The following GDPD5 variants were observed in gnomAD, a reference collection of about 807,000 sequenced individuals.
GDPD5 encodes the protein glycerophosphodiester phosphodiesterase domain containing 5.
In GDPD5, 48 loss-of-function variants were observed where a neutral mutation model predicts 75.1. The ratio of observed to expected loss-of-function variants is 0.64; its 90% CI spans 0.51 to 0.81. The LOEUF (loss-of-function observed/expected upper bound fraction) is 0.81, where lower values mean the gene tolerates loss of function less well. Ranked by LOEUF, GDPD5 falls within the 40% of genes least tolerant of loss-of-function variation. The pLI is 0.00. For missense variants in GDPD5, 706 were observed against 822.6 expected (o/e 0.86, Z 1.73); for synonymous variants, 336 against 339.0 (o/e 0.99, Z 0.10).
chr11:75,485,220 T>C (rs1484367359), intron 2 of GDPD5: 1 of 152,158 alleles, frequency 6.6e-6, no homozygotes, highest in Non-Finnish European at 1.5e-5. Flanking sequence ...TCAAGGAATT[T>C]TGAGGGCAGT....
At chr11:75,507,966 CTTTT>C (rs372045373) in intron 1 of GDPD5, among the ~76,000 whole-genome samples, 1 of 148,006 alleles carries the variant, frequency 6.8e-6, no homozygotes, top group African/African-American at 2.5e-5. Flanking sequence ...CTATCAGTTG[CTTTT>C]TTTTTTTCCA....
rs550987997 is a variant in GDPD5, at chr11:75,459,785, G to C, written c.222-1999C>G. On this transcript the variant is annotated intron_variant, in intron 4 of 16. Transcript: ENST00000336898. ...AGATCATACCACTGCACTCCAGCCTGGGTGACAGAGCGAGACTGTCTCAAA... is the reference window on the plus strand; with the variant it reads ...AGATCATACCACTGCACTCCAGCCTCGGTGACAGAGCGAGACTGTCTCAAA... Among the ~76,000 whole-genome samples, 12 of 150,218 alleles carry C rather than the reference G, an allele frequency of 8.0e-5. No homozygotes were observed. The East Asian group carries it at 2.2e-3, about 27-fold the overall frequency.
At chr11:75,441,606 T>A in intron 13 of GDPD5, 40 bp downstream of exon 13, 1 of 1,514,020 alleles carries the variant, frequency 6.6e-7, no homozygotes. Flanking sequence ...AGAGACTCAG[T>A]CCCACCCTCT....
In GDPD5 at chr11:75,435,628, T is replaced by G; in HGVS notation, c.1697A>C (p.Asp566Ala). 6.2e-7 allele frequency: 1 copy of G among 1,612,954 alleles called. No homozygotes were observed. ...SEISDGVEVS[D>A]VLSVCSDNSY... is the part of the protein sequence containing the mutation. ...GTTGTCTGAACATACGGAGAGCACA[T>G]CGGAGACCTCTACACCATCGCTGAT... is the stretch of plus-strand genomic sequence containing the variant. The change falls in exon 17 of 17, where the codon GAT becomes GCT. Residue 566 changes from aspartate (D) to alanine (A), a missense_variant. By Grantham distance (126) the Asp-to-Ala change is moderately radical (BLOSUM62 -2). Transcript: ENST00000336898.
Position 75,477,649 on chromosome 11 carries a change from G to A in GDPD5, c.87C>T (p.Arg29=), listed in dbSNP as rs1181007865. ...LTGIYGCRWK[R]YQRSHDDTTP... ...TGGTATCATCATGGGAGCGCTGGTA[G>A]CGCTTCCAACGGCAGCCGTAGATGC... The change falls in exon 3 of 17, where the codon CGC becomes CGT. Residue 29 remains arginine, a synonymous_variant. Transcript: ENST00000336898. The A allele has an allele frequency of 3.1e-6, 5 of 1,600,028 alleles. No homozygotes were observed. In the African/African-American group the frequency reaches 6.7e-5, roughly 21 times the overall value.
intron 2 of GDPD5, 173 bp from the exon 3 acceptor site, chr11:75,477,968 C>G: frequency 2.7e-6 from 1 of 369,000 alleles, no homozygotes; most frequent in Non-Finnish European, 4.9e-6. Context: ...AAGGACCTGT[C>G]CTCTGCCTCC....
At chr11:75,524,726 G>A (rs192793430) in intron 1 of GDPD5, among the ~76,000 whole-genome samples, 96 of 152,334 alleles carry the variant, frequency 6.3e-4, no homozygotes, top group African/African-American at 2.2e-3. Flanking sequence ...AGGGAGAGAA[G>A]CTTTGGAACT....
chr11:75,458,487 A>T lies in GDPD5; in HGVS notation c.222-701T>A, dbSNP rs542738751. Among the ~76,000 whole-genome samples, 142 of 152,218 alleles carry T rather than the reference A, an allele frequency of 9.3e-4. 1 individual carries two copies. The highest frequency in any genetic ancestry group is 9.2e-3 in the Admixed American group (140 of 15,280). On this transcript the variant is annotated intron_variant, in intron 4 of 16. Coordinates refer to ENST00000336898, the MANE Select transcript of GDPD5 (RefSeq NM_030792.8). Reference sequence around the variant, plus strand: ...GGAGATCGAGACCATCCTGGCTAACATGGTGAAACCCCATCTCTACTAAAA... The same window carrying T: ...GGAGATCGAGACCATCCTGGCTAACTTGGTGAAACCCCATCTCTACTAAAA...
Position 75,442,561 on chromosome 11 carries a change from G to C in GDPD5, c.969C>G (p.Ala323=). ...TGTGGTCGGAGGGTGACAGGGAGCT[G>C]GCTGTCCAGAAGGGGTCAGTCTGGC... The part of the protein sequence containing the change: ...WFLKTDPFWT[A]SSLSPSDHRE... Residue 323 remains alanine (A), a synonymous_variant, in exon 12 of 17, where the codon GCC becomes GCG. Transcript: ENST00000336898. 1 of 1,614,116 alleles carries C rather than the reference G, an allele frequency of 6.2e-7. No homozygotes were observed. The highest frequency in any genetic ancestry group is 8.5e-7 in the Non-Finnish European group (1 of 1,180,018).
At chr11:75,477,374 C>T (rs1949800907) in intron 3 of GDPD5, among the ~76,000 whole-genome samples, 1 of 152,240 alleles carries the variant, frequency 6.6e-6, no homozygotes, top group South Asian at 2.1e-4. Context: ...TAGAGGAGCC[C>T]AACCTCAACA....
chr11:75,509,931 C>T (rs979278040), intron 1 of GDPD5, among the ~76,000 whole-genome samples: 6 of 152,354 alleles, frequency 3.9e-5, no homozygotes, highest in East Asian at 1.9e-4. Context: ...CTGCCCGCCT[C>T]GGCCTCCCAA....
intron 5 of GDPD5, 41 bp from the exon 6 acceptor site, chr11:75,456,857 G>A (rs1047877634): frequency 6.2e-7 from 1 of 1,600,898 alleles, no homozygotes; most frequent in South Asian, 1.1e-5. Context: ...GCCCGTGTGG[G>A]CGGGAAGGCT....
Position 75,449,057 on chromosome 11 carries a change from T to C in GDPD5, c.634A>G (p.Thr212Ala). 6.2e-7 allele frequency: 1 copy of C among 1,603,984 alleles called. No individual in the cohort carries two copies. The highest frequency in any genetic ancestry group is 8.5e-7 in the Non-Finnish European group (1 of 1,176,600). ...TCCATGATGCAGGGAGAGGAGATGG[T>C]GAGAGGGGCCAGGTAGAGGGCAAAC... is the stretch of plus-strand genomic sequence containing the variant. ...VVFALYLAPL[T>A]ISSPCIMEKK... is the part of the protein sequence containing the mutation. The change falls in exon 9 of 17, where the codon ACC (threonine) becomes GCC (alanine). Residue 212 changes from threonine to alanine, a missense_variant. Physicochemically the swap from Thr to Ala is moderately conservative, Grantham distance 58. Transcript: ENST00000336898.
chr11:75,501,964 A>G (rs189043855), intron 1 of GDPD5, among the ~76,000 whole-genome samples: 15 of 152,232 alleles, frequency 9.9e-5, no homozygotes, highest in Non-Finnish European at 1.3e-4. Context: ...TGTGAGCCCC[A>G]TCAGTCCTGA....
Position 75,457,734 on chromosome 11 carries a change from C to A in GDPD5, c.274G>T (p.Val92Leu). 6.2e-7 allele frequency: 1 copy of A among 1,614,150 alleles called. No homozygotes were observed. The highest frequency in any genetic ancestry group is 1.3e-5 in the African/African-American group (1 of 75,058). The change falls in exon 5 of 17, where the codon GTG (valine) becomes TTG (leucine). Residue 92 changes from valine to leucine, a missense_variant. Transcript: ENST00000336898. ...TATGCGAAGGCAGCAGCTGTGGTCA[C>A]AAGGATGGGTACGGGCCAGTCGCTC... The part of the protein sequence containing the change: ...YWSDWPVPIL[V>L]TTAAAFAYIA...
intron 4 of GDPD5, among the ~76,000 whole-genome samples, chr11:75,460,160 T>A (rs1949380930): frequency 1.3e-5 from 2 of 151,642 alleles, no homozygotes; most frequent in Non-Finnish European, 2.9e-5. Context: ...TCCATTTGTC[T>A]CTCAAGTGTG....
At chr11:75,508,699 C>T (rs563760872) in intron 1 of GDPD5, among the ~76,000 whole-genome samples, 2 of 152,314 alleles carry the variant, frequency 1.3e-5, no homozygotes, top group East Asian at 1.9e-4. Context: ...CACTGTGGCC[C>T]CCATGCCAAT....
chr11:75,520,652 A>G (rs2135515132), intron 1 of GDPD5, among the ~76,000 whole-genome samples: 1 of 152,340 alleles, frequency 6.6e-6, no homozygotes, highest in Middle Eastern at 3.4e-3. Flanking sequence ...AGCTTATAGC[A>G]GGCAGCATCT....
At chr11:75,454,716 T>C (rs1592082069) in intron 6 of GDPD5, among the ~76,000 whole-genome samples, 2 of 152,316 alleles carry the variant, frequency 1.3e-5, no homozygotes, top group South Asian at 4.1e-4. Flanking sequence ...GGCGACTGTT[T>C]GTGTTTAAAG....
Sources: gnomAD v4.1 joint callset for allele counts (sites outside exome capture counted in the v4.1 genomes callset) on GRCh38, gnomAD v4.1.1 for gene constraint, MANE v1.5 for transcripts, NCBI Gene and HGNC (gene_info 2026-07-23, HGNC 2026-07-21) for gene names.